The following PRUNE2 variants were observed in gnomAD, a reference collection of about 807,000 sequenced individuals.
PRUNE2 encodes the protein prune homolog 2 with BCH domain.
PRUNE2 carries 164 observed loss-of-function variants against 252.0 expected under a neutral mutation model. That is an observed-to-expected ratio of 0.65 (90% CI 0.57 to 0.74). The LOEUF (loss-of-function observed/expected upper bound fraction) is 0.74, where lower values mean the gene tolerates loss of function less well. Ranked by LOEUF, PRUNE2 falls within the 30% of genes least tolerant of loss-of-function variation. PRUNE2 has a pLI of 0.00. For missense variants in PRUNE2, 3,495 were observed against 3,711.0 expected, an observed-to-expected ratio of 0.94 and a Z score of 1.51; for synonymous variants, 1,292 against 1,350.2, an observed-to-expected ratio of 0.96 and a Z score of 0.94.
At chr9:76,657,237 T>A (rs1218177751) in intron 9 of PRUNE2, among the ~76,000 whole-genome samples, 1 of 152,232 alleles carries the variant, frequency 6.6e-6, no homozygotes, top group African/African-American at 2.4e-5. Flanking sequence ...TGGGTTTAAA[T>A]CTTAGTTCTA....
intron 6 of PRUNE2, chr9:76,782,756 G>A (rs1382534097): frequency 6.6e-6 from 1 of 152,198 alleles, no homozygotes; most frequent in Non-Finnish European, 1.5e-5. Flanking sequence ...CAGTGACACA[G>A]GGCTGGATCA....
At chr9:76,898,064 G>A (rs548459409) in intron 1 of PRUNE2, among the ~76,000 whole-genome samples, 6 of 152,260 alleles carry the variant, frequency 3.9e-5, no homozygotes, top group South Asian at 4.1e-4. Flanking sequence ...ACTGAGACCC[G>A]GGGAGGCTAA....
At chr9:76,810,391 T>C (rs1265649850) in intron 6 of PRUNE2, among the ~76,000 whole-genome samples, 1 of 152,240 alleles carries the variant, frequency 6.6e-6, no homozygotes. Context: ...TATGTTCATT[T>C]GCTAAAATTC....
intron 6 of PRUNE2, among the ~76,000 whole-genome samples, chr9:76,729,851 T>A (rs1414843159): frequency 6.6e-6 from 1 of 152,198 alleles, no homozygotes; most frequent in Non-Finnish European, 1.5e-5. Context: ...TTTCCATTTC[T>A]AATTTCAATT....
intron 6 of PRUNE2, among the ~76,000 whole-genome samples, chr9:76,794,508 G>A (rs914810660): frequency 5.3e-5 from 8 of 151,632 alleles, no homozygotes; most frequent in South Asian, 4.2e-4. Flanking sequence ...CCAGCTACTC[G>A]GGAGGCTGAG....
rs1409681976 is a variant in PRUNE2 at position 76,713,455 on chromosome 9, TG to T, written c.915+107del. The T allele has an allele frequency of 2.2e-5, 17 of 790,206 alleles. No individual in the cohort carries two copies. In the African/African-American group the frequency reaches 2.5e-4, roughly 12 times the overall value. The allele number at this position is 790,206 out of a possible 1,614,324, so 48.9% of individuals were successfully genotyped here. ...CTCAAACCTCTAGGACTCTACCTCT[TG>T]GGCTAATTGCTCATGAGCCACCAAT... On this transcript the variant is annotated intron_variant, in intron 7 of 18. Transcript: ENST00000376718.
At chr9:76,863,215 C>G (rs1406569374) in intron 1 of PRUNE2, 1 of 152,064 alleles carries the variant, frequency 6.6e-6, no homozygotes, top group Non-Finnish European at 1.5e-5. Context: ...ATTTCTGGGT[C>G]AAAGAATATA....
At chr9:76,662,921 C>A (rs952168683) in intron 9 of PRUNE2, among the ~76,000 whole-genome samples, 9 of 152,090 alleles carry the variant, frequency 5.9e-5, no homozygotes, top group Middle Eastern at 6.8e-3. Flanking sequence ...TCTCTAGAAA[C>A]AGAGATAAAA....
rs777140371 is a variant in PRUNE2 at position 76,655,532 on chromosome 9, A to G, written c.8277-30T>C. 5 of 1,511,190 alleles carry G rather than the reference A, an allele frequency of 3.3e-6. No individual in the cohort carries two copies. In the East Asian group the frequency reaches 9.1e-5, roughly 27 times the overall value. 93.6% of individuals were successfully genotyped at this position (1,511,190 alleles called of 1,614,324 possible). On this transcript the variant is annotated intron_variant, in intron 9 of 18. Coordinates refer to ENST00000376718, the MANE Select transcript of PRUNE2 (RefSeq NM_015225.3). ...AAAAAAAGCAAAGCAAAGCGCGTCA[A>G]CAACAACTGTGTAAGACTTCATTTC...
At chr9:76,839,024 G>T (rs139513825) in intron 4 of PRUNE2, among the ~76,000 whole-genome samples, 1 of 151,992 alleles carries the variant, frequency 6.6e-6, no homozygotes, top group Non-Finnish European at 1.5e-5. Context: ...AGAAATGCTT[G>T]CAAAACACTA....
At chr9:76,631,044 T>G (rs909667378) in intron 15 of PRUNE2, among the ~76,000 whole-genome samples, 1 of 152,150 alleles carries the variant, frequency 6.6e-6, no homozygotes, top group African/African-American at 2.4e-5. Flanking sequence ...ATACTTTACT[T>G]GCAATTTTGG....
At chr9:76,791,723 G>A (rs373506661) in intron 6 of PRUNE2, among the ~76,000 whole-genome samples, 4 of 152,312 alleles carry the variant, frequency 2.6e-5, no homozygotes, top group East Asian at 3.9e-4. Flanking sequence ...TCATGGCTGA[G>A]GTGATACAAC....
intron 13 of PRUNE2, 128 bp from the exon 14 acceptor site, chr9:76,637,677 G>T: frequency 1.3e-6 from 1 of 758,436 alleles, no homozygotes; most frequent in Non-Finnish European, 2.1e-6. Context: ...TTTACCTTGG[G>T]AAGAATACAA....
At chr9:76,685,304 A>T (rs776644600) in intron 9 of PRUNE2, among the ~76,000 whole-genome samples, 9 of 152,208 alleles carry the variant, frequency 5.9e-5, no homozygotes, top group Non-Finnish European at 1.2e-4. Flanking sequence ...GAAGGGATGC[A>T]GAGACTCATC....
chr9:76,892,825 T>C (rs1293715095), intron 1 of PRUNE2, among the ~76,000 whole-genome samples: 1 of 152,230 alleles, frequency 6.6e-6, no homozygotes, highest in African/African-American at 2.4e-5. Flanking sequence ...TTGCCAAATA[T>C]ACCTTATTGC....
intron 12 of PRUNE2, among the ~76,000 whole-genome samples, chr9:76,639,541 G>T (rs760304230): frequency 6.6e-6 from 1 of 152,096 alleles, no homozygotes; most frequent in East Asian, 1.9e-4. Context: ...TTACTGCCAC[G>T]TAATCACTCA....
At chr9:76,681,850 G>A (rs990855458) in intron 9 of PRUNE2, among the ~76,000 whole-genome samples, 1 of 152,032 alleles carries the variant, frequency 6.6e-6, no homozygotes, top group Admixed American at 6.6e-5. Context: ...ATCAGCTAGA[G>A]GTTATTAAAA....
chr9:76,617,370 A>G (rs754234406), intron 18 of PRUNE2, among the ~76,000 whole-genome samples: 8 of 152,186 alleles, frequency 5.3e-5, no homozygotes, highest in Non-Finnish European at 1.0e-4. Flanking sequence ...TATTCATTCA[A>G]CACTAGCTCT....
At chr9:76,656,594 G>T (rs1849335877) in intron 9 of PRUNE2, among the ~76,000 whole-genome samples, 1 of 152,098 alleles carries the variant, frequency 6.6e-6, no homozygotes, top group African/African-American at 2.4e-5. Flanking sequence ...CACCCTTAGC[G>T]ATTACTGCAT....
Sources: allele counts gnomAD v4.1 joint callset (sites outside exome capture counted in the v4.1 genomes callset), GRCh38; gene constraint gnomAD v4.1.1; transcripts MANE v1.5; gene names NCBI Gene and HGNC (gene_info 2026-07-23, HGNC 2026-07-21).